Variants in FGF20 observed in about 807,000 individuals in gnomAD.
FGF20 encodes fibroblast growth factor 20.
In FGF20, 8 loss-of-function variants were observed where a neutral mutation model predicts 16.7. That is an observed-to-expected ratio of 0.48 (90% CI 0.28 to 0.87). FGF20 has a LOEUF of 0.87. Ranked by LOEUF, FGF20 falls within the 40% of genes least tolerant of loss-of-function variation. The pLI is 0.10. For missense variants in FGF20, 397 were observed against 281.4 expected (o/e 1.41, Z -2.94); for synonymous variants, 161 against 118.6 (o/e 1.36, Z -2.32).
intron 1 of FGF20, among the ~76,000 whole-genome samples, chr8:16,997,433 G>C (rs1030034579): frequency 6.6e-6 from 1 of 152,112 alleles, no homozygotes. Flanking sequence ...GTTTGGACAC[G>C]TGATACTCCC....
chr8:17,001,621 C>G (rs1244722538), intron 1 of FGF20, 126 bp downstream of exon 1: 3 of 1,154,418 alleles, frequency 2.6e-6, no homozygotes, highest in African/African-American at 3.2e-5. Context: ...CCGGATGGGT[C>G]CAGGGGAGCT....
intron 2 of FGF20, among the ~76,000 whole-genome samples, chr8:16,994,004 G>T (rs1335859758): frequency 6.6e-6 from 1 of 152,002 alleles, no homozygotes; most frequent in Non-Finnish European, 1.5e-5. Flanking sequence ...GTTTTTAACA[G>T]GCCACAGACC....
intron 2 of FGF20, 90 bp downstream of exon 2, chr8:16,995,565 C>A (rs969688239): frequency 1.9e-6 from 1 of 532,778 alleles, no homozygotes; most frequent in African/African-American, 1.9e-5. Context: ...ATACTTCTAC[C>A]AGACATTCTT....
In FGF20 at chr8:17,001,786, C is replaced by G. The variant is rs951419835; in HGVS notation, c.247G>C (p.Gly83Arg). The change falls in exon 1 of 3, where the codon GGC becomes CGC. Residue 83 changes from glycine (G) to arginine (R), a missense_variant. Physicochemically the swap from Gly to Arg is moderately radical, Grantham distance 125. Coordinates refer to ENST00000180166, the MANE Select transcript of FGF20 (RefSeq NM_019851.3). Reference sequence around the variant, plus strand: ...TCCTGCCGGGTGCCCTGCACGCTGCCGTCGGGCAGGATCTGCAGGTGGAAG... The same window carrying G: ...TCCTGCCGGGTGCCCTGCACGCTGCGGTCGGGCAGGATCTGCAGGTGGAAG... ...TGFHLQILPD[G>R]SVQGTRQDHS... The G allele has an allele frequency of 5.7e-5, 89 of 1,570,102 alleles. No homozygotes were observed. The highest frequency in any genetic ancestry group is 2.2e-4 in the Middle Eastern group (1 of 4,480).
At chr8:16,999,305 T>A (rs756412284) in intron 1 of FGF20, among the ~76,000 whole-genome samples, 1 of 152,134 alleles carries the variant, frequency 6.6e-6, no homozygotes, top group Non-Finnish European at 1.5e-5. Context: ...TTAACACAAA[T>A]TTCGCAAAAA....
In FGF20 at chr8:16,995,776, T is replaced by G. The variant is rs764310958; in HGVS notation, c.287-18A>C. On this transcript the variant is annotated intron_variant, in intron 1 of 2. Coordinates refer to ENST00000180166, the MANE Select transcript of FGF20 (RefSeq NM_019851.3). ...CAAGATACCTGCATATGTAAACAAT[T>G]CATAAAAACACCATGTTTTGTATTT... 1 of 1,377,914 alleles carries G rather than the reference T, an allele frequency of 7.3e-7. No homozygotes were observed. The highest frequency in any genetic ancestry group is 1.0e-6 in the Non-Finnish European group (1 of 978,876). The allele number at this position is 1,377,914 out of a possible 1,614,324, so 85.4% of individuals were successfully genotyped here.
chr8:16,994,312 T>A (rs927624631), intron 2 of FGF20, among the ~76,000 whole-genome samples: 2 of 152,202 alleles, frequency 1.3e-5, no homozygotes, highest in Non-Finnish European at 2.9e-5. Context: ...ATCTTCTCTT[T>A]ATGAATTTAC....
chr8:16,996,014 C>T (rs1481254210), intron 1 of FGF20, among the ~76,000 whole-genome samples: 2 of 152,124 alleles, frequency 1.3e-5, no homozygotes, highest in South Asian at 2.1e-4. Context: ...AACCTCTGAC[C>T]GGCCTGCGTG....
intron 1 of FGF20, among the ~76,000 whole-genome samples, chr8:16,999,940 T>A (rs2150436453): frequency 6.6e-6 from 1 of 152,316 alleles, no homozygotes; most frequent in East Asian, 1.9e-4. Context: ...TCCCTATAAG[T>A]ATTATCACAT....
At chr8:16,999,657 G>T (rs1306670137) in intron 1 of FGF20, among the ~76,000 whole-genome samples, 2 of 150,212 alleles carry the variant, frequency 1.3e-5, no homozygotes, top group Admixed American at 6.6e-5. Flanking sequence ...AAATAGCTGG[G>T]ATTACAGGTG....
intron 2 of FGF20, among the ~76,000 whole-genome samples, chr8:16,994,023 T>TGGGC (rs1563232161): frequency 3.9e-5 from 6 of 152,052 alleles, no homozygotes; most frequent in Non-Finnish European, 7.3e-5. Flanking sequence ...CCAATACCAG[T>TGGGC]CTATGGCCCA....
At chr8:17,000,004 G>T (rs1309671564) in intron 1 of FGF20, among the ~76,000 whole-genome samples, 1 of 152,232 alleles carries the variant, frequency 6.6e-6, no homozygotes, top group East Asian at 1.9e-4. Context: ...TGTAATGAGC[G>T]CAGTGAAGTC....
intron 1 of FGF20, among the ~76,000 whole-genome samples, chr8:16,999,674 A>G (rs1052697706): frequency 1.3e-5 from 2 of 149,320 alleles, no homozygotes; most frequent in Non-Finnish European, 3.0e-5. Context: ...GGTGCCCACC[A>G]ACACGCCCAG....
Position 16,995,707 on chromosome 8 carries a change from A to C in FGF20, c.338T>G (p.Val113Gly). The C allele has an allele frequency of 6.2e-7, 1 of 1,609,728 alleles. No individual in the cohort carries two copies. The highest frequency in any genetic ancestry group is 1.1e-5 in the South Asian group (1 of 90,734). ...VAVGLVSIRG[V>G]DSGLYLGMND... is the part of the protein sequence containing the mutation. Reference sequence around the variant, plus strand: ...CATTCCAAGATAGAGACCACTGTCCACACCTCTAATACTGACCAGTCCCAC... The same window carrying C: ...CATTCCAAGATAGAGACCACTGTCCCCACCTCTAATACTGACCAGTCCCAC... Residue 113 changes from valine (V) to glycine (G), a missense_variant, in exon 2 of 3, where the codon GTG becomes GGG. Transcript: ENST00000180166.
chr8:17,002,280 G>C lies in FGF20; in HGVS notation c.-248C>G, dbSNP rs1286360035. The C allele has an allele frequency of 2.3e-6, 1 of 432,134 alleles. No individual in the cohort carries two copies. Among genetic ancestry groups the C allele is most frequent in the Non-Finnish European group, 4.0e-6 (1 of 249,414 alleles). The allele number at this position is 432,134 out of a possible 1,614,324, so 26.8% of individuals were successfully genotyped here. ...CTCTGCAGAAATATCTATAGCTGCC[G>C]CTGCCAATACTAGGACTAGGGCTGT... On this transcript the variant is annotated 5_prime_UTR_variant, in exon 1 of 3. Coordinates refer to ENST00000180166, the MANE Select transcript of FGF20 (RefSeq NM_019851.3).
chr8:16,994,067 G>T (rs935087942), intron 2 of FGF20, among the ~76,000 whole-genome samples: 1 of 152,126 alleles, frequency 6.6e-6, no homozygotes, highest in African/African-American at 2.4e-5. Flanking sequence ...AGAACTTTCA[G>T]TCAAATGTCA....
chr8:16,993,946 T>G (rs1387058807), intron 2 of FGF20, among the ~76,000 whole-genome samples: 3 of 152,166 alleles, frequency 2.0e-5, no homozygotes, highest in Admixed American at 6.6e-5. Context: ...TAAATTCAGA[T>G]GAAGTTTCGC....
intron 2 of FGF20, among the ~76,000 whole-genome samples, chr8:16,994,656 G>C (rs530227184): frequency 6.6e-6 from 1 of 152,188 alleles, no homozygotes; most frequent in South Asian, 2.1e-4. Flanking sequence ...TGTATATTAA[G>C]ACTCTAGCTG....
rs780320172 is a variant in FGF20, at chr8:16,993,242, A to G, written c.466T>C (p.Tyr156His). The G allele has an allele frequency of 9.3e-6, 15 of 1,613,976 alleles. No individual in the cohort carries two copies. The East Asian group carries it at 1.1e-4, about 12-fold the overall frequency. Residue 156 changes from tyrosine (Y) to histidine (H), a missense_variant, in exon 3 of 3, where the codon TAT (tyrosine) becomes CAT (histidine). Transcript: ENST00000180166. ...CTGCGGCCAGTGTCTCCATGTTTAT[A>G]TATGTTAGATGAATAGGTGTTATAC... ...NWYNTYSSNI[Y>H]KHGDTGRRYF...
Sources: gnomAD v4.1 joint callset for allele counts (sites outside exome capture counted in the v4.1 genomes callset) on GRCh38, gnomAD v4.1.1 for gene constraint, MANE v1.5 for transcripts, NCBI Gene and HGNC (gene_info 2026-07-23, HGNC 2026-07-21) for gene names.